KIAA1217: variants seen among roughly 807,000 people sequenced by gnomAD.
KIAA1217 encodes KIAA1217.
KIAA1217 carries 88 observed loss-of-function variants against 163.9 expected under a neutral mutation model. That is an observed-to-expected ratio of 0.54 (90% CI 0.45 to 0.64). The LOEUF is 0.64. Among genes scored for constraint, KIAA1217 ranks in the 30% least tolerant of loss-of-function variants. The probability of loss-of-function intolerance (pLI) is 0.00; values close to 1 mark genes in which losing one functional copy is unlikely to be tolerated. For missense variants in KIAA1217, 2,372 were observed against 2,475.0 expected (o/e 0.96, Z 0.88); for synonymous variants, 903 against 923.1 (o/e 0.98, Z 0.39).
chr10:24,468,287 G>T (rs1196276722), intron 5 of KIAA1217, among the ~76,000 whole-genome samples: 1 of 152,126 alleles, frequency 6.6e-6, no homozygotes, highest in Non-Finnish European at 1.5e-5. Flanking sequence ...GATCGTAAGG[G>T]TTCATTCTAG....
chr10:24,100,502 C>T (rs1451007257), intron 2 of KIAA1217, among the ~76,000 whole-genome samples: 1 of 152,142 alleles, frequency 6.6e-6, no homozygotes, highest in Non-Finnish European at 1.5e-5. Flanking sequence ...GGCCCTTTTT[C>T]AAGTCTGTCT....
intron 1 of KIAA1217, among the ~76,000 whole-genome samples, chr10:23,997,567 G>C (rs1846543181): frequency 6.6e-6 from 1 of 152,108 alleles, no homozygotes; most frequent in Non-Finnish European, 1.5e-5. Context: ...CGCTCAGGCT[G>C]GAAGGTTTCA....
rs188284533 is a variant in KIAA1217, at chr10:23,913,934, C to A, written c.-320-93291C>A. ...TCTTATTCATTCAGCTCTTCCTCTA[C>A]GTAACCAGCATGTACCTGGACCCTC... is the stretch of plus-strand genomic sequence containing the variant. On this transcript the variant is annotated intron_variant, in intron 1 of 18. Coordinates refer to the KIAA1217 transcript ENST00000376462. 3.9e-4 allele frequency among the ~76,000 whole-genome samples: 59 copies of A among 152,242 alleles called. No homozygotes were observed. The East Asian group carries it at 7.2e-3, about 18-fold the overall frequency.
chr10:23,938,669 TAA>T (rs35194310), intron 1 of KIAA1217, among the ~76,000 whole-genome samples: 3 of 146,250 alleles, frequency 2.1e-5, no homozygotes, highest in Admixed American at 1.4e-4. Flanking sequence ...TGATTTAGAG[TAA>T]AAAAAAAAAG....
At chr10:24,145,762 A>G (rs1367591608) in intron 2 of KIAA1217, among the ~76,000 whole-genome samples, 1 of 152,244 alleles carries the variant, frequency 6.6e-6, no homozygotes, top group Non-Finnish European at 1.5e-5. Context: ...CCAAGAGTCC[A>G]AAAGCTGAAA....
intron 2 of KIAA1217, among the ~76,000 whole-genome samples, chr10:24,350,109 AT>A (rs951185768): frequency 1.3e-5 from 2 of 152,172 alleles, no homozygotes; most frequent in African/African-American, 4.8e-5. Context: ...CCCCCAAATC[AT>A]TTTTTTAAAG....
chr10:24,142,634 G>A lies in KIAA1217; in HGVS notation c.-170-76992G>A, dbSNP rs558514504. Among the ~76,000 whole-genome samples, 3 of 152,242 alleles carry A rather than the reference G, an allele frequency of 2.0e-5. No individual in the cohort carries two copies. The South Asian group carries it at 6.2e-4, about 32-fold the overall frequency. ...TAAATAAACTTTTAATTTAAAAAAG[G>A]ATAAAAATAGAAGATGCTGGGAACT... On this transcript the variant is annotated intron_variant, in intron 2 of 18. Coordinates refer to the KIAA1217 transcript ENST00000376462.
chr10:24,148,135 A>C (rs1048751488), intron 2 of KIAA1217, among the ~76,000 whole-genome samples: 12 of 152,094 alleles, frequency 7.9e-5, no homozygotes, highest in Admixed American at 3.3e-4. Flanking sequence ...TTTATCCCTA[A>C]AGGAGACTTT....
intron 2 of KIAA1217, among the ~76,000 whole-genome samples, chr10:24,081,766 G>T (rs2061545344): frequency 6.6e-6 from 1 of 152,172 alleles, no homozygotes; most frequent in South Asian, 2.1e-4. Flanking sequence ...AATTTGTGTT[G>T]GGCTGCATTC....
intron 4 of KIAA1217, among the ~76,000 whole-genome samples, chr10:24,435,016 G>A (rs2059913283): frequency 6.6e-6 from 1 of 152,190 alleles, no homozygotes; most frequent in Non-Finnish European, 1.5e-5. Context: ...GGGGGGAATA[G>A]CAAGTTGCCC....
At chr10:24,055,540 G>A (rs1286818483) in intron 2 of KIAA1217, among the ~76,000 whole-genome samples, 1 of 152,086 alleles carries the variant, frequency 6.6e-6, no homozygotes, top group African/African-American at 2.4e-5. Flanking sequence ...ATTCTTACTT[G>A]TAATTTCAGA....
At chr10:24,404,578 A>C (rs1421378860) in intron 3 of KIAA1217, among the ~76,000 whole-genome samples, 15 of 147,474 alleles carry the variant, frequency 1.0e-4, no homozygotes, top group Non-Finnish European at 1.9e-4. Flanking sequence ...AAAAAAAAAA[A>C]AAAAAAAAAA....
At chr10:24,439,664 T>TTC (rs1554870102) in intron 5 of KIAA1217, among the ~76,000 whole-genome samples, 4 of 150,862 alleles carry the variant, frequency 2.7e-5, no homozygotes, top group African/African-American at 9.8e-5. Flanking sequence ...TTTTTTTTTT[T>TTC]CCCCCAACTT....
At chr10:24,408,713 G>T (rs1041576074) in intron 3 of KIAA1217, among the ~76,000 whole-genome samples, 2 of 99,628 alleles carry the variant, frequency 2.0e-5, no homozygotes, top group Admixed American at 9.3e-5. Flanking sequence ...GTCTGTGGGA[G>T]AGTGGCTTCT....
chr10:24,131,983 A>T (rs1286400152), intron 2 of KIAA1217, among the ~76,000 whole-genome samples: 2 of 152,222 alleles, frequency 1.3e-5, no homozygotes, highest in Non-Finnish European at 2.9e-5. Flanking sequence ...CACACAGCAT[A>T]GTTCAATGAT....
chr10:23,922,998 A>G (rs1240961863), intron 1 of KIAA1217, among the ~76,000 whole-genome samples: 2 of 152,140 alleles, frequency 1.3e-5, no homozygotes, highest in African/African-American at 2.4e-5. Flanking sequence ...AGTTACATGG[A>G]TAAGTTCTTT....
intron 12 of KIAA1217, among the ~76,000 whole-genome samples, chr10:24,523,438 A>C (rs914831517): frequency 6.6e-6 from 1 of 152,200 alleles, no homozygotes; most frequent in Admixed American, 6.5e-5. Context: ...AAACAGCAAA[A>C]GAAAGAGCAC....
chr10:24,041,416 T>A (rs1403075488), intron 2 of KIAA1217, among the ~76,000 whole-genome samples: 1 of 152,244 alleles, frequency 6.6e-6, no homozygotes, highest in East Asian at 1.9e-4. Context: ...CTATTGTTTT[T>A]TGTAAAGCAC....
intron 3 of KIAA1217, among the ~76,000 whole-genome samples, chr10:24,416,880 C>T (rs2058295396): frequency 6.6e-6 from 1 of 152,136 alleles, no homozygotes; most frequent in Admixed American, 6.5e-5. Flanking sequence ...GTGAGGGGTG[C>T]ATACACCAAT....
Sources: gnomAD v4.1 joint callset for allele counts (sites outside exome capture counted in the v4.1 genomes callset) on GRCh38, gnomAD v4.1.1 for gene constraint, MANE v1.5 for transcripts, NCBI Gene and HGNC (gene_info 2026-07-23, HGNC 2026-07-21) for gene names.